CASQ2: variants seen among roughly 807,000 people sequenced by gnomAD.
CASQ2 encodes calsequestrin 2.
CASQ2 carries 49 observed loss-of-function variants against 46.5 expected under a neutral mutation model. The observed-to-expected ratio is 1.05, with a 90% confidence interval of 0.84 to 1.34. CASQ2 has a LOEUF of 1.34. Among genes scored for constraint, CASQ2 ranks in the 40% most tolerant of loss-of-function variants. The pLI is 0.00. For synonymous variants in CASQ2, 174 were observed against 168.5 expected (o/e 1.03, Z -0.25); for missense variants, 486 against 481.3 (o/e 1.01, Z -0.09).
intron 9 of CASQ2, among the ~76,000 whole-genome samples, chr1:115,703,523 A>T (rs969359681): frequency 1.3e-5 from 2 of 152,094 alleles, no homozygotes; most frequent in Admixed American, 1.3e-4. Context: ...AGTGGTAGGA[A>T]ATCTCCCACG....
At chr1:115,726,953 G>GCCCCCC in intron 6 of CASQ2, 39 bp downstream of exon 6, 1 of 607,798 alleles carries the variant, frequency 1.6e-6, no homozygotes, top group Non-Finnish European at 3.1e-6. Context: ...CCATTCCCCA[G>GCCCCCC]ACCCCAGGCC....
chr1:115,765,873 G>C (rs987688127), intron 1 of CASQ2, among the ~76,000 whole-genome samples: 2 of 152,186 alleles, frequency 1.3e-5, no homozygotes, highest in Non-Finnish European at 2.9e-5. Flanking sequence ...GAAGCTGACA[G>C]ACTATTTTTC....
At chr1:115,741,604 G>A (rs1648181296) in intron 2 of CASQ2, among the ~76,000 whole-genome samples, 1 of 152,172 alleles carries the variant, frequency 6.6e-6, no homozygotes, top group Non-Finnish European at 1.5e-5. Flanking sequence ...ATTAATGTAT[G>A]TGGCCAGGAT....
chr1:115,710,155 C>T (rs1311561574), intron 8 of CASQ2, among the ~76,000 whole-genome samples: 1 of 152,176 alleles, frequency 6.6e-6, no homozygotes, highest in Non-Finnish European at 1.5e-5. Context: ...GGACACAGAA[C>T]ATTGTTCTCC....
chr1:115,747,427 C>T (rs4839044), intron 1 of CASQ2, among the ~76,000 whole-genome samples: 66,349 of 151,996 alleles, frequency 0.44, 16,836 homozygotes, highest in Non-Finnish European at 0.58. Flanking sequence ...TCACTTTATT[C>T]TTTATTTTTC....
At chr1:115,730,919 C>G (rs12092272) in intron 5 of CASQ2, among the ~76,000 whole-genome samples, 2,306 of 152,232 alleles carry the variant, frequency 0.015, 68 homozygotes, top group African/African-American at 0.053. Context: ...TACTTTTCTC[C>G]TCTTCTGTCC....
intron 8 of CASQ2, among the ~76,000 whole-genome samples, chr1:115,716,367 A>G (rs896328849): frequency 1.2e-4 from 19 of 152,168 alleles, no homozygotes; most frequent in African/African-American, 4.3e-4. Context: ...TAAGCTGCTC[A>G]TTTTCCCCAG....
intron 10 of CASQ2, 72 bp downstream of exon 10, chr1:115,702,849 C>T (rs1654248144): frequency 8.4e-7 from 1 of 1,183,922 alleles, no homozygotes; most frequent in South Asian, 1.3e-5. Context: ...GATGCTCTCA[C>T]AATCTAAGCT....
intron 7 of CASQ2, among the ~76,000 whole-genome samples, chr1:115,723,175 A>G (rs1229262615): frequency 6.6e-6 from 1 of 152,258 alleles, no homozygotes; most frequent in African/African-American, 2.4e-5. Flanking sequence ...CATTGATGGG[A>G]CAACTGGCCA....
At chr1:115,703,143 C>A (rs984001487) in intron 9 of CASQ2, 148 bp from the exon 10 acceptor site, 4 of 699,676 alleles carry the variant, frequency 5.7e-6, no homozygotes, top group Admixed American at 4.1e-5. Flanking sequence ...AAGACTTGGC[C>A]CCAGCCTTCA....
intron 5 of CASQ2, 99 bp from the exon 6 acceptor site, chr1:115,727,221 A>G: frequency 1.1e-6 from 1 of 926,516 alleles, no homozygotes; most frequent in Non-Finnish European, 1.7e-6. Flanking sequence ...TCCGGCAAAG[A>G]CATAAAAACA....
At chr1:115,753,279 G>A (rs1648643011) in intron 1 of CASQ2, among the ~76,000 whole-genome samples, 2 of 152,200 alleles carry the variant, frequency 1.3e-5, no homozygotes, top group African/African-American at 2.4e-5. Context: ...AGGGCTGGCT[G>A]TCTCAGAAGG....
chr1:115,701,178 T>C lies in CASQ2; in HGVS notation c.*63A>G, dbSNP rs1248429179. 1.2e-6 allele frequency: 2 copies of C among 1,612,456 alleles called. No homozygotes were observed. Among genetic ancestry groups the C allele is most frequent in the Non-Finnish European group, 1.7e-6 (2 of 1,179,980 alleles). Reference sequence around the variant, plus strand: ...GGGGCAGAATTGCTTGCTGCCACCTTGTGCTGTCTGTATGGTAGTGGGTGC... The same window carrying C: ...GGGGCAGAATTGCTTGCTGCCACCTCGTGCTGTCTGTATGGTAGTGGGTGC... On this transcript the variant is annotated 3_prime_UTR_variant, in exon 11 of 11. Coordinates refer to ENST00000261448, the MANE Select transcript of CASQ2 (RefSeq NM_001232.4).
In CASQ2 at chr1:115,768,344, C is replaced by A. The variant is rs74114618; in HGVS notation, c.198G>T (p.Thr66=). The stretch of plus-strand genomic sequence containing the variant: ...TTTCTTTCAGTTGGAACTGTTTTTG[C>A]GTGACCTTATCTGAAGACACCGGCT... ...YHEPVSSDKV[T]QKQFQLKEIV... Residue 66 remains threonine, a synonymous_variant, in exon 1 of 11, where the codon ACG becomes ACT. Coordinates refer to ENST00000261448, the MANE Select transcript of CASQ2 (RefSeq NM_001232.4). The A allele has an allele frequency of 1.2e-6, 2 of 1,613,576 alleles. No individual in the cohort carries two copies. Among genetic ancestry groups the A allele is most frequent in the East Asian group, 2.2e-5 (1 of 44,874 alleles).
chr1:115,736,852 T>C lies in CASQ2; in HGVS notation c.532+1372A>G, dbSNP rs75451284. On this transcript the variant is annotated intron_variant, in intron 4 of 10. Coordinates refer to ENST00000261448, the MANE Select transcript of CASQ2 (RefSeq NM_001232.4). Reference sequence around the variant, plus strand: ...AATAATGATAATCACCTCACAGGCTTGTTGTGAGAATGAAATTAAGGCATC... The same window carrying C: ...AATAATGATAATCACCTCACAGGCTCGTTGTGAGAATGAAATTAAGGCATC... Among the ~76,000 whole-genome samples the C allele has an allele frequency of 7.1e-3, 1,078 of 152,238 alleles. 18 individuals are homozygous for C. The highest frequency in any genetic ancestry group is 0.025 in the African/African-American group (1,041 of 41,524).
chr1:115,755,024 GTGC>G lies in CASQ2; in HGVS notation c.235-10115_235-10113del, dbSNP rs552625469. Among the ~76,000 whole-genome samples, 788 of 152,328 alleles carry G rather than the reference GTGC, an allele frequency of 5.2e-3. 1 individual carries two copies. Among genetic ancestry groups the G allele is most frequent in the Admixed American group, 0.013 (198 of 15,306 alleles). On this transcript the variant is annotated intron_variant, in intron 1 of 10. Coordinates refer to ENST00000261448, the MANE Select transcript of CASQ2 (RefSeq NM_001232.4). ...ATTTGCATTTCTGCCAGGGTCCCAG[GTGC>G]TGCTGAGGCTGCCAGTCTCGGGCCC...
At chr1:115,744,700 T>A (rs1648323293) in intron 2 of CASQ2, 128 bp downstream of exon 2, 2 of 707,280 alleles carry the variant, frequency 2.8e-6, no homozygotes, top group Admixed American at 2.0e-5. Flanking sequence ...AAGATGAAGG[T>A]ATGCAGGATC....
intron 1 of CASQ2, among the ~76,000 whole-genome samples, chr1:115,766,595 C>A (rs1649139158): frequency 6.6e-6 from 1 of 152,258 alleles, no homozygotes; most frequent in Non-Finnish European, 1.5e-5. Flanking sequence ...CTAGTAGAGA[C>A]AAAGCCAGAA....
At chr1:115,754,685 C>T (rs952057180) in intron 1 of CASQ2, among the ~76,000 whole-genome samples, 6 of 152,192 alleles carry the variant, frequency 3.9e-5, no homozygotes, top group Admixed American at 2.6e-4. Context: ...ACCTTTTGTT[C>T]CTATACCTGG....
Sources: allele counts gnomAD v4.1 joint callset (sites outside exome capture counted in the v4.1 genomes callset), GRCh38; gene constraint gnomAD v4.1.1; transcripts MANE v1.5; gene names NCBI Gene and HGNC (gene_info 2026-07-23, HGNC 2026-07-21).